DISC1: variants seen among roughly 807,000 people sequenced by gnomAD.
DISC1 encodes the protein DISC1 scaffold protein.
In DISC1, 57 loss-of-function variants were observed where a neutral mutation model predicts 84.5. That is an observed-to-expected ratio of 0.67 (90% CI 0.55 to 0.84). The LOEUF (loss-of-function observed/expected upper bound fraction) is 0.84, where lower values mean the gene tolerates loss of function less well. Among genes scored for constraint, DISC1 ranks in the 40% least tolerant of loss-of-function variants. The pLI is 0.00. For missense variants in DISC1, 1,000 were observed against 1,057.8 expected (o/e 0.95, Z 0.76); for synonymous variants, 411 against 415.2 (o/e 0.99, Z 0.12).
chr1:231,699,870 A>G (rs532546912), intron 2 of DISC1, among the ~76,000 whole-genome samples: 9 of 152,080 alleles, frequency 5.9e-5, no homozygotes, highest in Non-Finnish European at 5.9e-5. Flanking sequence ...CCTTACATCA[A>G]TCTGCCCCAG....
Position 231,756,246 on chromosome 1 carries a change from C to T in DISC1, c.1268+6170C>T, listed in dbSNP as rs1335773813. Among the ~76,000 whole-genome samples the T allele has an allele frequency of 3.9e-5, 6 of 152,222 alleles. No individual in the cohort carries two copies. In the East Asian group the frequency reaches 1.2e-3, roughly 29 times the overall value. On this transcript the variant is annotated intron_variant, in intron 4 of 12. Transcript: ENST00000439617. The stretch of plus-strand genomic sequence containing the variant: ...AATATCCTTGCAAAGCTCTGCTCAT[C>T]AGTCACACTGCCTCTCCCTTGAATG...
chr1:232,028,007 T>G (rs1258910995), intron 12 of DISC1, among the ~76,000 whole-genome samples: 3 of 152,224 alleles, frequency 2.0e-5, no homozygotes, highest in Non-Finnish European at 4.4e-5. Context: ...TCACATTGCT[T>G]TAGGTAGATT....
chr1:231,929,474 T>C (rs1016062869), intron 9 of DISC1, among the ~76,000 whole-genome samples: 13 of 152,250 alleles, frequency 8.5e-5, no homozygotes, highest in African/African-American at 3.1e-4. Context: ...TGTCGTCTAT[T>C]AGTCTGCCGC....
intron 1 of DISC1, among the ~76,000 whole-genome samples, chr1:231,643,749 C>A (rs1411600199): frequency 6.6e-6 from 1 of 152,136 alleles, no homozygotes; most frequent in African/African-American, 2.4e-5. Context: ...TTGTGAGGAT[C>A]ATGTAAGATG....
At chr1:231,973,915 C>T (rs368588852) in intron 10 of DISC1, among the ~76,000 whole-genome samples, 14 of 152,250 alleles carry the variant, frequency 9.2e-5, no homozygotes, top group African/African-American at 3.1e-4. Context: ...AGTTATGATA[C>T]GGAGTACCCT....
chr1:231,673,743 C>T (rs2062845050), intron 1 of DISC1, among the ~76,000 whole-genome samples: 1 of 152,238 alleles, frequency 6.6e-6, no homozygotes, highest in South Asian at 2.1e-4. Flanking sequence ...TGTTTGGACA[C>T]TTCGACTGTG....
chr1:232,024,057 A>G (rs111958973), intron 11 of DISC1, among the ~76,000 whole-genome samples: 15,701 of 119,940 alleles, frequency 0.13, 1,358 homozygotes, highest in East Asian at 0.49. Context: ...ATATATGTGT[A>G]TGTGTGTATA....
At chr1:231,969,837 A>G (rs2102814521) in intron 10 of DISC1, among the ~76,000 whole-genome samples, 1 of 151,868 alleles carries the variant, frequency 6.6e-6, no homozygotes, top group Non-Finnish European at 1.5e-5. Context: ...CCCATGAGTG[A>G]GAACATACCA....
rs371018105 is a variant in DISC1 at position 231,982,863 on chromosome 1, A to G, written c.2042+23975A>G. Among the ~76,000 whole-genome samples, 35 of 152,356 alleles carry G rather than the reference A, an allele frequency of 2.3e-4. No individual in the cohort carries two copies. In the East Asian group the frequency reaches 4.4e-3, roughly 19 times the overall value. Reference sequence around the variant, plus strand: ...GTGAGGCCAAAGTGTGTTTCAGTCAAGGACAGATCAGGACACAGAAACCAC... The same window carrying G: ...GTGAGGCCAAAGTGTGTTTCAGTCAGGGACAGATCAGGACACAGAAACCAC... On this transcript the variant is annotated intron_variant, in intron 10 of 12. Coordinates refer to ENST00000439617, the MANE Select transcript of DISC1 (RefSeq NM_018662.3).
intron 6 of DISC1, chr1:231,771,296 GACCCTCCCCATTCCAATATGC>G: frequency 1.0e-6 from 1 of 983,650 alleles, no homozygotes. Flanking sequence ...AAATGCCAGC[GACCCTCCCCATTCCAATATGC>G]ACCCTCCCCA....
chr1:232,026,883 G>A (rs1340796787), intron 12 of DISC1, among the ~76,000 whole-genome samples: 3 of 150,264 alleles, frequency 2.0e-5, no homozygotes, highest in South Asian at 2.1e-4. Flanking sequence ...TGAGTAGCTG[G>A]GATTACAGGT....
chr1:231,957,603 G>T (rs541968059), intron 9 of DISC1, among the ~76,000 whole-genome samples: 2 of 152,228 alleles, frequency 1.3e-5, no homozygotes, highest in African/African-American at 4.8e-5. Context: ...TTTGGAATTT[G>T]CAATAATTGC....
In DISC1 at chr1:231,860,550, T is replaced by C. The variant is rs185936547; in HGVS notation, c.1981+42033T>C. Among the ~76,000 whole-genome samples, 185 of 152,326 alleles carry C rather than the reference T, an allele frequency of 1.2e-3. 2 individuals are homozygous for C. The highest frequency in any genetic ancestry group is 4.3e-3 in the African/African-American group (180 of 41,582). ...TGTGTAATGTCTTACGATGTGTGTGTTTGGAGCCTTCTCAGGGTTAAGCAG... is the reference window on the plus strand; with the variant it reads ...TGTGTAATGTCTTACGATGTGTGTGCTTGGAGCCTTCTCAGGGTTAAGCAG... On this transcript the variant is annotated intron_variant, in intron 9 of 12. Coordinates refer to ENST00000439617, the MANE Select transcript of DISC1 (RefSeq NM_018662.3).
chr1:231,629,213 C>G (rs780310621), intron 1 of DISC1, among the ~76,000 whole-genome samples: 2 of 152,166 alleles, frequency 1.3e-5, no homozygotes. Flanking sequence ...ATTGAAAGAA[C>G]AGGTTGCAAG....
At chr1:231,660,151 G>T (rs2061455076) in intron 1 of DISC1, among the ~76,000 whole-genome samples, 1 of 152,066 alleles carries the variant, frequency 6.6e-6, no homozygotes, top group South Asian at 2.1e-4. Context: ...TATGAATCTG[G>T]GTGCTCCTAT....
At chr1:231,791,114 G>T (rs918786317) in intron 6 of DISC1, among the ~76,000 whole-genome samples, 1 of 152,208 alleles carries the variant, frequency 6.6e-6, no homozygotes, top group African/African-American at 2.4e-5. Flanking sequence ...GGTTTCATTT[G>T]TTGAGGGTGA....
At chr1:231,756,850 A>G (rs2075193792) in intron 4 of DISC1, among the ~76,000 whole-genome samples, 1 of 152,206 alleles carries the variant, frequency 6.6e-6, no homozygotes, top group East Asian at 1.9e-4. Flanking sequence ...GAAAATAATG[A>G]GTTGAAATTA....
chr1:231,751,376 A>G (rs920271605), intron 4 of DISC1, among the ~76,000 whole-genome samples: 8 of 152,250 alleles, frequency 5.3e-5, no homozygotes, highest in African/African-American at 1.9e-4. Flanking sequence ...AAACACTTTC[A>G]TAACAGTTAC....
intron 8 of DISC1, among the ~76,000 whole-genome samples, chr1:231,812,190 G>A (rs1319789442): frequency 6.6e-6 from 1 of 152,064 alleles, no homozygotes; most frequent in Non-Finnish European, 1.5e-5. Context: ...CAAGTAGCTA[G>A]GACTAAAGGT....
Sources: allele counts gnomAD v4.1 joint callset (sites outside exome capture counted in the v4.1 genomes callset), GRCh38; gene constraint gnomAD v4.1.1; transcripts MANE v1.5; gene names NCBI Gene and HGNC (gene_info 2026-07-23, HGNC 2026-07-21).